Variants in AGBL4 observed in about 807,000 individuals in gnomAD.
The protein encoded by AGBL4 is cytosolic carboxypeptidase 6.
In AGBL4, 58 loss-of-function variants were observed where a neutral mutation model predicts 66.4. That is an observed-to-expected ratio of 0.87 (90% CI 0.71 to 1.09). The LOEUF is 1.09. Ranked by LOEUF, AGBL4 falls within the 50% of genes least tolerant of loss-of-function variation. AGBL4 has a pLI of 0.00. For synonymous variants in AGBL4, 234 were observed against 222.9 expected (o/e 1.05, Z -0.44); for missense variants, 579 against 631.0 (o/e 0.92, Z 0.88).
intron 4 of AGBL4, among the ~76,000 whole-genome samples, chr1:49,156,291 G>A (rs759160423): frequency 6.6e-6 from 1 of 152,146 alleles, no homozygotes; most frequent in Non-Finnish European, 1.5e-5. Flanking sequence ...TCAAAGCTCT[G>A]AGAAAGAGCT....
At chr1:49,170,465 T>G (rs1646718064) in intron 4 of AGBL4, among the ~76,000 whole-genome samples, 1 of 143,228 alleles carries the variant, frequency 7.0e-6, no homozygotes, top group East Asian at 2.0e-4. Flanking sequence ...ATATATAAAT[T>G]TATTTTATAT....
intron 2 of AGBL4, among the ~76,000 whole-genome samples, chr1:49,771,577 T>C (rs1383249715): frequency 6.6e-6 from 1 of 152,158 alleles, no homozygotes; most frequent in Non-Finnish European, 1.5e-5. Context: ...CTCTTTCCAT[T>C]GTTAAAAGCG....
At chr1:49,562,993 G>A (rs187070017) in intron 3 of AGBL4, among the ~76,000 whole-genome samples, 1 of 151,804 alleles carries the variant, frequency 6.6e-6, no homozygotes, top group Non-Finnish European at 1.5e-5. Flanking sequence ...ATTGAGCAGT[G>A]GTTCGTAGTT....
intron 6 of AGBL4, among the ~76,000 whole-genome samples, chr1:48,689,402 TA>T (rs1475592320): frequency 7.4e-5 from 11 of 149,132 alleles, no homozygotes; most frequent in African/African-American, 2.8e-4. Context: ...CCTACCTACC[TA>T]CCTTCCTTCC....
chr1:49,509,661 T>C (rs1649025410), intron 3 of AGBL4, among the ~76,000 whole-genome samples: 2 of 152,072 alleles, frequency 1.3e-5, no homozygotes, highest in African/African-American at 4.8e-5. Context: ...ATAAAGATTA[T>C]ATTACATAAT....
At chr1:49,542,802 G>A (rs1278441162) in intron 3 of AGBL4, among the ~76,000 whole-genome samples, 2 of 149,472 alleles carry the variant, frequency 1.3e-5, no homozygotes, top group African/African-American at 5.0e-5. Flanking sequence ...GGAGGCTGAG[G>A]CAGGAGAATC....
At chr1:49,168,811 G>A (rs935878025) in intron 4 of AGBL4, among the ~76,000 whole-genome samples, 2 of 152,154 alleles carry the variant, frequency 1.3e-5, no homozygotes, top group African/African-American at 4.8e-5. Context: ...AGGATGGAGT[G>A]CACTGGTTGC....
In AGBL4 at chr1:49,825,205, A is replaced by G. The variant is rs564747800; in HGVS notation, c.157+26191T>C. On this transcript the variant is annotated intron_variant, in intron 2 of 13. Transcript: ENST00000371839. ...ATTTTCTTTTGTTTTTCTAAATAAT[A>G]TGCCCTCTTCTGTGATGTATTTTAA... 2.0e-5 allele frequency among the ~76,000 whole-genome samples: 3 copies of G among 152,296 alleles called. No homozygotes were observed. In the South Asian group the frequency reaches 6.2e-4, roughly 32 times the overall value.
intron 5 of AGBL4, among the ~76,000 whole-genome samples, chr1:48,916,579 G>A (rs1653604505): frequency 6.6e-6 from 1 of 151,860 alleles, no homozygotes; most frequent in African/African-American, 2.4e-5. Context: ...TACCTTTCTT[G>A]CATTTGATGT....
intron 3 of AGBL4, among the ~76,000 whole-genome samples, chr1:49,287,304 C>T (rs1484803134): frequency 1.0e-4 from 15 of 145,042 alleles, no homozygotes; most frequent in Non-Finnish European, 2.3e-4. Flanking sequence ...TAGGCATGGG[C>T]AAGGACTTCA....
intron 6 of AGBL4, among the ~76,000 whole-genome samples, chr1:48,865,453 G>A (rs1647957718): frequency 6.6e-6 from 1 of 152,104 alleles, no homozygotes; most frequent in Non-Finnish European, 1.5e-5. Context: ...ATACACCAGT[G>A]TGCCACAACA....
At chr1:49,719,722 T>TA (rs1383125887) in intron 2 of AGBL4, among the ~76,000 whole-genome samples, 1 of 152,130 alleles carries the variant, frequency 6.6e-6, no homozygotes, top group Non-Finnish European at 1.5e-5. Context: ...GAATTGTAGT[T>TA]CCTATAATTC....
rs1050262246 is a variant in AGBL4, at chr1:49,400,604, G to A, written c.283-154740C>T. On this transcript the variant is annotated intron_variant, in intron 3 of 13. Transcript: ENST00000371839. ...CTTCCACTTCTTTGGTTAACTACTA[G>A]GTGTTTAATTTTATTTGTGGCTATC... Among the ~76,000 whole-genome samples the A allele has an allele frequency of 2.6e-5, 4 of 151,420 alleles. No homozygotes were observed. The South Asian group carries it at 8.4e-4, about 32-fold the overall frequency.
At chr1:49,196,336 T>A (rs987819646) in intron 4 of AGBL4, among the ~76,000 whole-genome samples, 1 of 152,226 alleles carries the variant, frequency 6.6e-6, no homozygotes, top group Non-Finnish European at 1.5e-5. Flanking sequence ...CCTTAATGAA[T>A]TTTTCATTTT....
intron 3 of AGBL4, among the ~76,000 whole-genome samples, chr1:49,250,310 G>A (rs1004358304): frequency 4.6e-5 from 7 of 152,174 alleles, no homozygotes; most frequent in Non-Finnish European, 7.3e-5. Flanking sequence ...CTCCCATGGA[G>A]GGACTAAGAT....
chr1:49,075,492 T>G (rs190643641), intron 4 of AGBL4, among the ~76,000 whole-genome samples: 1 of 152,336 alleles, frequency 6.6e-6, no homozygotes, highest in East Asian at 1.9e-4. Flanking sequence ...GAAAATTTTT[T>G]TGTATGCTTT....
chr1:48,567,050 C>T (rs1644488805), intron 11 of AGBL4, among the ~76,000 whole-genome samples: 1 of 152,188 alleles, frequency 6.6e-6, no homozygotes, highest in Non-Finnish European at 1.5e-5. Context: ...TGTCCTGTTT[C>T]TCTGGAACAC....
chr1:49,600,367 C>T (rs1236388378), intron 3 of AGBL4, among the ~76,000 whole-genome samples: 1 of 152,030 alleles, frequency 6.6e-6, no homozygotes, highest in Non-Finnish European at 1.5e-5. Flanking sequence ...TTGTGTAATG[C>T]CCTTCTTTGT....
At chr1:49,518,625 A>C (rs1650019821) in intron 3 of AGBL4, among the ~76,000 whole-genome samples, 1 of 152,070 alleles carries the variant, frequency 6.6e-6, no homozygotes. Context: ...TTGTAAAATG[A>C]AAATAATATT....
Sources: gnomAD v4.1 joint callset for allele counts (sites outside exome capture counted in the v4.1 genomes callset) on GRCh38, gnomAD v4.1.1 for gene constraint, MANE v1.5 for transcripts, NCBI Gene and HGNC (gene_info 2026-07-23, HGNC 2026-07-21) for gene names.